ANXA2: variants seen among roughly 807,000 people sequenced by gnomAD.
The protein encoded by ANXA2 is annexin II.
A neutral mutation model predicts 47.3 loss-of-function variants in ANXA2; 28 were observed. The observed-to-expected ratio is 0.59, with a 90% CI of 0.44 to 0.81. The LOEUF (loss-of-function observed/expected upper bound fraction) is 0.81. Ranked by LOEUF, ANXA2 falls within the 40% of genes least tolerant of loss-of-function variation. The pLI is 0.00. For synonymous variants in ANXA2, 172 were observed against 155.5 expected, an observed-to-expected ratio of 1.11 and a Z score of -0.79; for missense variants, 384 against 414.3, an observed-to-expected ratio of 0.93 and a Z score of 0.64.
rs956641859 is a variant in ANXA2 at position 60,385,900 on chromosome 15, G to A, written c.48+128C>T. The A allele has an allele frequency of 4.1e-5, 25 of 611,782 alleles. No homozygotes were observed. The Admixed American group carries it at 7.1e-4, about 17-fold the overall frequency. The allele number at this position is 611,782 out of a possible 1,614,324, so 37.9% of individuals were successfully genotyped here. On this transcript the variant is annotated intron_variant, in intron 2 of 12. Coordinates refer to ENST00000451270, the MANE Select transcript of ANXA2 (RefSeq NM_004039.3). ...GAACAGCTGAAGTATTAAGAAAGAG[G>A]AGAACCAAATGATGACTGTCTGAAT...
At position 60,351,740 on chromosome 15, in the gene ANXA2, AT is replaced by A; in HGVS notation, c.761del (p.Asn254MetfsTer4). On this transcript the variant is annotated frameshift_variant, in exon 10 of 13. Coordinates refer to ENST00000451270, the MANE Select transcript of ANXA2 (RefSeq NM_004039.3). LOFTEE classifies it high-confidence loss of function. ...IRKEVKGDLE[N>X]AFLNLVQCIQ... ...TTCACTTACCCAGGTTCAGGAAAGC[AT>A]TTTCCAGGTCTCCTTTAACCTCTTT... 1 of 1,612,404 alleles carries A rather than the reference AT, an allele frequency of 6.2e-7. No individual in the cohort carries two copies. The highest frequency in any genetic ancestry group is 8.5e-7 in the Non-Finnish European group (1 of 1,178,468).
intron 1 of ANXA2, chr15:60,393,743 C>T: frequency 1.1e-6 from 1 of 938,946 alleles, no homozygotes; most frequent in African/African-American, 1.8e-5. Context: ...GTCTGTGCAA[C>T]ATTAGAGTTA....
intron 3 of ANXA2, among the ~76,000 whole-genome samples, chr15:60,375,870 C>G (rs530340960): frequency 6.6e-6 from 1 of 152,306 alleles, no homozygotes; most frequent in South Asian, 2.1e-4. Flanking sequence ...ATAGCTGGTT[C>G]TGCCTTCTCA....
At position 60,349,142 on chromosome 15, in the gene ANXA2, A is replaced by G. The variant is rs773258986; in HGVS notation, c.893T>C (p.Val298Ala). ...LIRIMVSRSE[V>A]DMLKIRSEFK... is the part of the protein sequence containing the mutation. ...TTCAGACCTAATTTTCAACATGTCC[A>G]CTTCACTGCGGGAGACCATGATTCT... is the stretch of plus-strand genomic sequence containing the variant. Residue 298 changes from valine to alanine, a missense_variant, in exon 12 of 13, where the codon GTG becomes GCG. By Grantham distance (64) the Val-to-Ala change is moderately conservative. Coordinates refer to ENST00000451270, the MANE Select transcript of ANXA2 (RefSeq NM_004039.3). 5.0e-6 allele frequency: 8 copies of G among 1,613,880 alleles called. No individual in the cohort carries two copies. In the African/African-American group the frequency reaches 6.7e-5, roughly 13 times the overall value.
chr15:60,393,667 G>C (rs568903797), intron 1 of ANXA2: 2 of 985,422 alleles, frequency 2.0e-6, no homozygotes, highest in Non-Finnish European at 2.4e-6. Flanking sequence ...TTAGGATACA[G>C]GAAATCATAA....
chr15:60,363,696 T>C (rs1242136103), intron 4 of ANXA2, among the ~76,000 whole-genome samples: 1 of 152,142 alleles, frequency 6.6e-6, no homozygotes, highest in South Asian at 2.1e-4. Context: ...ACCCTTTAAA[T>C]AGTAGGAGCA....
intron 3 of ANXA2, among the ~76,000 whole-genome samples, chr15:60,369,633 A>G (rs2062686481): frequency 6.6e-6 from 1 of 152,248 alleles, no homozygotes; most frequent in Admixed American, 6.5e-5. Flanking sequence ...TTAAAAACAC[A>G]GTCCCTTAGG....
chr15:60,365,363 TAAG>T (rs2140846696), intron 3 of ANXA2, among the ~76,000 whole-genome samples: 1 of 152,268 alleles, frequency 6.6e-6, no homozygotes, highest in African/African-American at 2.4e-5. Flanking sequence ...CCATTTAACT[TAAG>T]AAAGCACAGT....
chr15:60,364,393 A>G (rs770228036), intron 4 of ANXA2, 36 bp downstream of exon 4: 1 of 1,559,326 alleles, frequency 6.4e-7, no homozygotes, highest in African/African-American at 1.4e-5. Flanking sequence ...CAAAAATTCA[A>G]CAAGAAATGC....
chr15:60,384,564 A>G (rs1423280150), intron 2 of ANXA2: 1 of 152,230 alleles, frequency 6.6e-6, no homozygotes, highest in Non-Finnish European at 1.5e-5. Context: ...CCTCTTATAA[A>G]ACCTGATAGC....
intron 2 of ANXA2, among the ~76,000 whole-genome samples, chr15:60,385,097 T>G (rs138447001): frequency 6.6e-6 from 1 of 152,372 alleles, no homozygotes; most frequent in Admixed American, 6.5e-5. Context: ...GCAACAGAAT[T>G]TCTAGGTTCA....
intron 1 of ANXA2, 141 bp from the exon 2 acceptor site, chr15:60,386,227 C>T (rs2062931762): frequency 1.6e-6 from 1 of 635,908 alleles, no homozygotes; most frequent in Admixed American, 3.0e-5. Flanking sequence ...AGATGCAATT[C>T]CCATCTTACG....
intron 1 of ANXA2, chr15:60,393,783 C>T (rs931384404): frequency 1.5e-5 from 12 of 802,758 alleles, no homozygotes; most frequent in East Asian, 2.5e-4. Context: ...CCGTATTATC[C>T]GCCCACAGGG....
At chr15:60,376,388 A>G (rs12593075) in intron 3 of ANXA2, among the ~76,000 whole-genome samples, 13,932 of 152,112 alleles carry the variant, frequency 0.092, 924 homozygotes, top group East Asian at 0.24. Flanking sequence ...CTCAAAAAAA[A>G]AAAAAGAAGA....
chr15:60,369,124 C>G (rs1595685546), intron 3 of ANXA2, among the ~76,000 whole-genome samples: 1 of 152,184 alleles, frequency 6.6e-6, no homozygotes, highest in Admixed American at 6.5e-5. Flanking sequence ...AATGACCCCC[C>G]ACTTCTGCTT....
chr15:60,368,399 T>C (rs1321458256), intron 3 of ANXA2, among the ~76,000 whole-genome samples: 2 of 152,170 alleles, frequency 1.3e-5, no homozygotes, highest in Non-Finnish European at 1.5e-5. Flanking sequence ...TATTTCAGCA[T>C]TGTATACAAT....
chr15:60,397,848 G>A, intron 1 of ANXA2, 95 bp downstream of exon 1: 4 of 1,386,126 alleles, frequency 2.9e-6, no homozygotes, highest in Non-Finnish European at 2.8e-6. Flanking sequence ...GCCAGTTGCC[G>A]GGGCCTCCCT....
intron 3 of ANXA2, among the ~76,000 whole-genome samples, chr15:60,381,582 G>A (rs141648517): frequency 7.6e-4 from 115 of 152,234 alleles, no homozygotes; most frequent in Non-Finnish European, 1.4e-3. Context: ...TTTATTTCAA[G>A]AGGAAGGCTT....
chr15:60,354,853 G>A (rs752590034), intron 7 of ANXA2, among the ~76,000 whole-genome samples: 4 of 152,222 alleles, frequency 2.6e-5, no homozygotes, highest in Middle Eastern at 6.8e-3. Context: ...GCAGATGGAG[G>A]AATATGTGGA....
Sources: allele counts gnomAD v4.1 joint callset (sites outside exome capture counted in the v4.1 genomes callset), GRCh38; gene constraint gnomAD v4.1.1; transcripts MANE v1.5; gene names NCBI Gene and HGNC (gene_info 2026-07-23, HGNC 2026-07-21).